The following USP13 variants were observed in gnomAD, a reference collection of about 807,000 sequenced individuals.
USP13 encodes ubiquitin specific peptidase 13, also known as ubiquitin carboxyl-terminal hydrolase 13.
In USP13, 68 loss-of-function variants were observed where a neutral mutation model predicts 107.8. The ratio of observed to expected loss-of-function variants is 0.63; its 90% CI spans 0.52 to 0.77. The LOEUF (loss-of-function observed/expected upper bound fraction) is 0.77, where lower values mean the gene tolerates loss of function less well. Ranked by LOEUF, USP13 falls within the 30% of genes least tolerant of loss-of-function variation. The probability of loss-of-function intolerance (pLI) is 0.00; values close to 1 mark genes in which losing one functional copy is unlikely to be tolerated. For synonymous variants in USP13, 377 were observed against 389.5 expected (o/e 0.97, Z 0.38); for missense variants, 945 against 1,093.3 (o/e 0.86, Z 1.91).
At chr3:179,658,410 A>G (rs1319321465) in intron 1 of USP13, among the ~76,000 whole-genome samples, 8 of 151,768 alleles carry the variant, frequency 5.3e-5, no homozygotes, top group East Asian at 1.9e-4. Context: ...GTCTGTCCTC[A>G]TAGTTGGCTC....
intron 3 of USP13, among the ~76,000 whole-genome samples, chr3:179,693,213 A>G (rs1046297019): frequency 5.9e-5 from 9 of 151,992 alleles, no homozygotes; most frequent in Admixed American, 1.3e-4. Context: ...CAGTGCCACA[A>G]TCATAGCTCC....
intron 6 of USP13, among the ~76,000 whole-genome samples, 195 bp from the exon 7 acceptor site, chr3:179,719,745 G>C (rs1338488000): frequency 1.3e-5 from 2 of 152,114 alleles, no homozygotes; most frequent in East Asian, 3.9e-4. Flanking sequence ...TGACATATAG[G>C]TATATTTACA....
chr3:179,754,264 C>T (rs754392761), intron 14 of USP13, among the ~76,000 whole-genome samples: 3 of 152,208 alleles, frequency 2.0e-5, no homozygotes, highest in Non-Finnish European at 4.4e-5. Context: ...GGGTCTGTGT[C>T]AGACTAACAT....
At chr3:179,759,053 C>T (rs768359960) in intron 16 of USP13, among the ~76,000 whole-genome samples, 1 of 152,032 alleles carries the variant, frequency 6.6e-6, no homozygotes, top group Non-Finnish European at 1.5e-5. Flanking sequence ...ACAGCCTCGG[C>T]CCACTGCAAC....
chr3:179,683,908 T>C (rs970030138), intron 2 of USP13, among the ~76,000 whole-genome samples: 2 of 152,206 alleles, frequency 1.3e-5, no homozygotes, highest in African/African-American at 4.8e-5. Context: ...GTTGTTTCAC[T>C]ATTCATAGAG....
intron 19 of USP13, among the ~76,000 whole-genome samples, chr3:179,778,443 A>G (rs1188243579): frequency 1.3e-5 from 2 of 152,328 alleles, no homozygotes; most frequent in East Asian, 1.9e-4. Context: ...AAAAGCTGAT[A>G]GACAATAAAT....
chr3:179,718,807 A>T (rs59759875), intron 6 of USP13, among the ~76,000 whole-genome samples: 3,546 of 151,740 alleles, frequency 0.023, 156 homozygotes, highest in African/African-American at 0.082. Flanking sequence ...TCTGTCGCCC[A>T]GGCCAGTGGC....
chr3:179,777,894 C>G (rs1241535817), intron 19 of USP13, among the ~76,000 whole-genome samples: 4 of 152,120 alleles, frequency 2.6e-5, no homozygotes, highest in African/African-American at 9.7e-5. Context: ...CCAAGAAACA[C>G]AAGGATCTCA....
chr3:179,735,184 G>A (rs576604232), intron 10 of USP13, among the ~76,000 whole-genome samples: 4 of 152,330 alleles, frequency 2.6e-5, no homozygotes, highest in African/African-American at 9.6e-5. Flanking sequence ...TGCCTCAGGT[G>A]TCTGAGAGCC....
intron 1 of USP13, among the ~76,000 whole-genome samples, chr3:179,655,031 A>T (rs140998002): frequency 1.8e-3 from 281 of 152,146 alleles, no homozygotes; most frequent in African/African-American, 6.5e-3. Flanking sequence ...TGCCATTTTC[A>T]GATTGTATGG....
chr3:179,707,979 C>T (rs544859565), intron 5 of USP13, among the ~76,000 whole-genome samples: 17 of 152,254 alleles, frequency 1.1e-4, no homozygotes, highest in African/African-American at 3.9e-4. Context: ...ATATAGTTGA[C>T]GTTTAGCATT....
chr3:179,785,770 C>G lies in USP13; in HGVS notation c.*1629C>G, dbSNP rs1264731759. 2.6e-5 allele frequency: 4 copies of G among 152,326 alleles called. No individual in the cohort carries two copies. The highest frequency in any genetic ancestry group is 4.4e-5 in the Non-Finnish European group (3 of 68,134). 9.4% of individuals were successfully genotyped at this position (152,326 alleles called of 1,614,324 possible). On this transcript the variant is annotated 3_prime_UTR_variant, in exon 21 of 21. Coordinates refer to ENST00000263966, the MANE Select transcript of USP13 (RefSeq NM_003940.3). ...GCCATGTGACCGAGAGACATGGTGT[C>G]TAAGGCCCATGGCCTGGAGACCTGG...
At chr3:179,680,045 C>T (rs183981634) in intron 1 of USP13, among the ~76,000 whole-genome samples, 4 of 151,966 alleles carry the variant, frequency 2.6e-5, no homozygotes, top group East Asian at 3.9e-4. Context: ...TATGGTGGCA[C>T]GTGCCTATAG....
At chr3:179,738,573 A>G (rs1205327783) in intron 10 of USP13, among the ~76,000 whole-genome samples, 1 of 152,216 alleles carries the variant, frequency 6.6e-6, no homozygotes, top group African/African-American at 2.4e-5. Context: ...GACAGTAGGT[A>G]TCACCATTAG....
intron 6 of USP13, among the ~76,000 whole-genome samples, chr3:179,718,906 G>A (rs1177044569): frequency 6.6e-6 from 1 of 151,892 alleles, no homozygotes; most frequent in Non-Finnish European, 1.5e-5. Flanking sequence ...ACAGGCGCCC[G>A]CCACCACGCC....
chr3:179,654,588 T>C (rs1317629192), intron 1 of USP13, among the ~76,000 whole-genome samples: 1 of 152,222 alleles, frequency 6.6e-6, no homozygotes, highest in East Asian at 1.9e-4. Context: ...GACCAGGTTA[T>C]TTTTATCCAC....
chr3:179,736,211 C>T (rs1713991614), intron 10 of USP13, among the ~76,000 whole-genome samples: 1 of 152,164 alleles, frequency 6.6e-6, no homozygotes, highest in Non-Finnish European at 1.5e-5. Context: ...AGGAGCTGGA[C>T]TATTTGCTTT....
Position 179,745,093 on chromosome 3 carries a change from A to G in USP13, c.1585A>G (p.Arg529Gly). ...GAGAAGGGAAGCAGAAGCAAACAGA[A>G]GACCCCTTCCTGAGTTGGTACGTGC... Reference protein sequence around the residue: ...LTRREAEANRRPLPELVRAKI... With the variant: ...LTRREAEANRGPLPELVRAKI... The change falls in exon 13 of 21, where the codon AGA (arginine) becomes GGA (glycine). Residue 529 changes from arginine (R) to glycine (G), a missense_variant. Transcript: ENST00000263966. 6.2e-7 allele frequency: 1 copy of G among 1,614,180 alleles called. No homozygotes were observed. Among genetic ancestry groups the G allele is most frequent in the East Asian group, 2.2e-5 (1 of 44,866 alleles).
At position 179,786,109 on chromosome 3, in the gene USP13, G is replaced by T. The variant is rs1444836270; in HGVS notation, c.*1968G>T. The stretch of plus-strand genomic sequence containing the variant: ...GTGCCCACTGGTGTCACCTCCTAAT[G>T]TTAACTTGGATTTCCTAAAGCAGTC... On this transcript the variant is annotated 3_prime_UTR_variant, in exon 21 of 21. Transcript: ENST00000263966. 1 of 152,118 alleles carries T rather than the reference G, an allele frequency of 6.6e-6. No homozygotes were observed. Among genetic ancestry groups the T allele is most frequent in the Non-Finnish European group, 1.5e-5 (1 of 68,036 alleles). The allele number at this position is 152,118 out of a possible 1,614,324, so 9.4% of individuals were successfully genotyped here.
Sources: allele counts gnomAD v4.1 joint callset (sites outside exome capture counted in the v4.1 genomes callset), GRCh38; gene constraint gnomAD v4.1.1; transcripts MANE v1.5; gene names NCBI Gene and HGNC (gene_info 2026-07-23, HGNC 2026-07-21).